TNFAIP8: variants seen among roughly 807,000 people sequenced by gnomAD.
TNFAIP8 encodes the protein TNF alpha induced protein 8.
Under a neutral mutation model 13.3 loss-of-function variants are expected in TNFAIP8, and 7 were observed. That is an observed-to-expected ratio of 0.52 (90% CI 0.30 to 0.99). The LOEUF (loss-of-function observed/expected upper bound fraction) is 0.99, where lower values mean the gene tolerates loss of function less well. Ranked by LOEUF, TNFAIP8 falls within the 50% of genes least tolerant of loss-of-function variation. The pLI is 0.07. For missense variants in TNFAIP8, 258 were observed against 236.9 expected, an observed-to-expected ratio of 1.09 and a Z score of -0.58; for synonymous variants, 94 against 87.6, an observed-to-expected ratio of 1.07 and a Z score of -0.41.
At position 119,397,082 on chromosome 5, in the gene TNFAIP8, C is replaced by G. The variant is rs75690946; in HGVS notation, c.*3701C>G. 2.0e-5 allele frequency: 3 copies of G among 150,330 alleles called. No individual in the cohort carries two copies. The highest frequency in any genetic ancestry group is 2.0e-4 in the Admixed American group (3 of 15,048). 9.3% of individuals were successfully genotyped at this position (150,330 alleles called of 1,614,324 possible). A position where few individuals can be genotyped will look rare whatever the true frequency, so the allele number is the denominator to read the frequency against. ...TTTAAACTCTTATATAATAGTATGC[C>G]ATTCACAATTATCTGGAAAGTTCTT... is the stretch of plus-strand genomic sequence containing the variant. On this transcript the variant is annotated 3_prime_UTR_variant, in exon 2 of 2. Coordinates refer to ENST00000504771, the MANE Select transcript of TNFAIP8 (RefSeq NM_014350.4).
chr5:119,322,520 C>A (rs1750091932), intron 1 of TNFAIP8, among the ~76,000 whole-genome samples: 1 of 152,214 alleles, frequency 6.6e-6, no homozygotes, highest in Non-Finnish European at 1.5e-5. Flanking sequence ...AGTTGAGCAG[C>A]CTCTGGCATT....
chr5:119,332,271 G>A lies in TNFAIP8; in HGVS notation c.2-60545G>A, dbSNP rs1750405489. Reference sequence around the variant, plus strand: ...GAACTCTATGTGCATCAGGCAATATGTTATTTGCTTCACGTGGTTCTCGTT... The same window carrying A: ...GAACTCTATGTGCATCAGGCAATATATTATTTGCTTCACGTGGTTCTCGTT... On this transcript the variant is annotated intron_variant, in intron 1 of 1. Coordinates refer to the TNFAIP8 transcript ENST00000274456. Among the ~76,000 whole-genome samples the A allele has an allele frequency of 2.0e-5, 3 of 152,126 alleles. No homozygotes were observed. The South Asian group carries it at 6.2e-4, about 32-fold the overall frequency.
At chr5:119,362,182 T>C (rs1751660459) in intron 1 of TNFAIP8, among the ~76,000 whole-genome samples, 1 of 152,206 alleles carries the variant, frequency 6.6e-6, no homozygotes, top group Non-Finnish European at 1.5e-5. Context: ...GTAACTTGTA[T>C]TCCAGCTAGT....
At chr5:119,293,235 G>A (rs559421781) in intron 1 of TNFAIP8, among the ~76,000 whole-genome samples, 1 of 151,810 alleles carries the variant, frequency 6.6e-6, no homozygotes, top group African/African-American at 2.4e-5. Context: ...TACTCTTCTA[G>A]TAGTTTTCAA....
At chr5:119,278,370 AGAGAGAGTGTGT>A (rs1478825901) in intron 1 of TNFAIP8, among the ~76,000 whole-genome samples, 2,890 of 134,474 alleles carry the variant, frequency 0.021, 56 homozygotes, top group African/African-American at 0.061. Context: ...AGAGAGAGAG[AGAGAGAGTGTGT>A]GTGTGTGTGT....
intron 1 of TNFAIP8, among the ~76,000 whole-genome samples, chr5:119,313,928 A>G (rs1011228240): frequency 6.6e-6 from 1 of 152,252 alleles, no homozygotes; most frequent in South Asian, 2.1e-4. Context: ...CTAGGCATTC[A>G]TGTGTGGGTT....
chr5:119,273,964 T>C (rs1748367321), intron 1 of TNFAIP8, among the ~76,000 whole-genome samples: 1 of 152,242 alleles, frequency 6.6e-6, no homozygotes, highest in African/African-American at 2.4e-5. Context: ...TTCATTTAGC[T>C]CAAGCCTTCC....
intron 1 of TNFAIP8, among the ~76,000 whole-genome samples, chr5:119,380,440 G>T (rs1025775555): frequency 2.0e-5 from 3 of 152,240 alleles, no homozygotes; most frequent in African/African-American, 7.2e-5. Flanking sequence ...CCTCTGGCAG[G>T]ACGGGAGAAT....
intron 1 of TNFAIP8, among the ~76,000 whole-genome samples, chr5:119,324,880 G>A (rs1750174136): frequency 6.6e-6 from 1 of 151,844 alleles, no homozygotes; most frequent in Non-Finnish European, 1.5e-5. Flanking sequence ...TTTATATATT[G>A]TTTTGTAGCC....
chr5:119,322,591 C>T (rs894560390), intron 1 of TNFAIP8, among the ~76,000 whole-genome samples: 1 of 152,228 alleles, frequency 6.6e-6, no homozygotes, highest in Non-Finnish European at 1.5e-5. Flanking sequence ...GTCCATGCTG[C>T]TCCCATTTCT....
At chr5:119,322,337 T>C (rs1750085073) in intron 1 of TNFAIP8, among the ~76,000 whole-genome samples, 2 of 152,068 alleles carry the variant, frequency 1.3e-5, no homozygotes, top group Non-Finnish European at 2.9e-5. Flanking sequence ...GAAGTGCTAC[T>C]CCTTGAGGAG....
At chr5:119,276,037 A>G (rs1470195860) in intron 1 of TNFAIP8, among the ~76,000 whole-genome samples, 3 of 152,114 alleles carry the variant, frequency 2.0e-5, no homozygotes, top group South Asian at 2.1e-4. Context: ...TGGCAGGGGC[A>G]GAGGATTAAC....
At chr5:119,345,617 C>T (rs543847433) in intron 1 of TNFAIP8, among the ~76,000 whole-genome samples, 33 of 152,328 alleles carry the variant, frequency 2.2e-4, no homozygotes, top group Admixed American at 9.8e-4. Flanking sequence ...AAGACAAATA[C>T]TCTTTAATTC....
At chr5:119,383,140 G>A (rs1001637910) in intron 1 of TNFAIP8, among the ~76,000 whole-genome samples, 12 of 152,258 alleles carry the variant, frequency 7.9e-5, no homozygotes, top group African/African-American at 2.9e-4. Context: ...GAAGAATTAA[G>A]GTTTTGTTTT....
chr5:119,311,744 A>T lies in TNFAIP8; in HGVS notation c.1+42837A>T, dbSNP rs140469650. 3.4e-3 allele frequency among the ~76,000 whole-genome samples: 517 copies of T among 150,528 alleles called. 2 individuals are homozygous for T. The highest frequency in any genetic ancestry group is 0.012 in the African/African-American group (501 of 41,070). On this transcript the variant is annotated intron_variant, in intron 1 of 1. Transcript: ENST00000274456. ...GAACTCATATCAATGGAACGGGCAA[A>T]TAAGGTGATTAGCAAGAGCAGAGTA...
At chr5:119,343,098 A>G (rs185364310) in intron 1 of TNFAIP8, among the ~76,000 whole-genome samples, 2 of 152,198 alleles carry the variant, frequency 1.3e-5, no homozygotes, top group African/African-American at 2.4e-5. Flanking sequence ...ATTTTGTTCA[A>G]TCCATCTTAT....
intron 1 of TNFAIP8, among the ~76,000 whole-genome samples, chr5:119,288,387 G>A (rs1748868153): frequency 6.6e-6 from 1 of 152,174 alleles, no homozygotes; most frequent in African/African-American, 2.4e-5. Flanking sequence ...TTCCTAAAAG[G>A]CACGGTCTTA....
chr5:119,277,344 C>T (rs1171640701), intron 1 of TNFAIP8, among the ~76,000 whole-genome samples: 8 of 152,104 alleles, frequency 5.3e-5, no homozygotes, highest in Non-Finnish European at 1.0e-4. Flanking sequence ...GAAAAATACG[C>T]ATTTACTGTG....
chr5:119,292,065 G>A (rs1353253326), intron 1 of TNFAIP8, among the ~76,000 whole-genome samples: 1 of 152,190 alleles, frequency 6.6e-6, no homozygotes, highest in South Asian at 2.1e-4. Flanking sequence ...TTTGCTCACA[G>A]AATGCCAGGA....
Sources: allele counts gnomAD v4.1 joint callset (sites outside exome capture counted in the v4.1 genomes callset), GRCh38; gene constraint gnomAD v4.1.1; transcripts MANE v1.5; gene names NCBI Gene and HGNC (gene_info 2026-07-23, HGNC 2026-07-21).